The following CHODL variants were observed in gnomAD, a reference collection of about 807,000 sequenced individuals.
The protein encoded by CHODL is chondrolectin, also known as transmembrane protein MT75.
A neutral mutation model predicts 34.5 loss-of-function variants in CHODL; 29 were observed. The observed-to-expected ratio is 0.84, with a 90% CI of 0.63 to 1.15. The LOEUF is 1.15. Ranked by LOEUF, CHODL falls within the 50% of genes most tolerant of loss-of-function variation. The pLI is 0.00. For synonymous variants in CHODL, 125 were observed against 116.1 expected, an observed-to-expected ratio of 1.08 and a Z score of -0.49; for missense variants, 332 against 332.5, an observed-to-expected ratio of 1.00 and a Z score of 0.01.
chr21:17,951,696 A>C (rs2063459021), intron 1 of CHODL, among the ~76,000 whole-genome samples: 1 of 152,234 alleles, frequency 6.6e-6, no homozygotes, highest in Admixed American at 6.5e-5. Context: ...AATATACTTA[A>C]AATTAAAAAA....
chr21:18,001,102 T>C (rs1461157646), intron 1 of CHODL, among the ~76,000 whole-genome samples: 3 of 152,194 alleles, frequency 2.0e-5, no homozygotes, highest in African/African-American at 7.2e-5. Flanking sequence ...ACACTGGGCA[T>C]GGGCCATCCT....
At chr21:18,064,394 A>G (rs1023212591) in intron 2 of CHODL, among the ~76,000 whole-genome samples, 1 of 152,216 alleles carries the variant, frequency 6.6e-6, no homozygotes, top group African/African-American at 2.4e-5. Context: ...TTGCTAAATT[A>G]ATAAAAATGA....
At chr21:18,257,307 T>A (rs938424800) in intron 3 of CHODL, among the ~76,000 whole-genome samples, 180 bp downstream of exon 3, 1 of 152,094 alleles carries the variant, frequency 6.6e-6, no homozygotes, top group African/African-American at 2.4e-5. Flanking sequence ...GAGCAAACTG[T>A]CCAATGAGCT....
chr21:17,983,671 AT>A (rs1306827673), intron 1 of CHODL, among the ~76,000 whole-genome samples: 2 of 152,128 alleles, frequency 1.3e-5, no homozygotes, highest in African/African-American at 4.8e-5. Flanking sequence ...TTGTTTCATA[AT>A]TTATGAAATA....
intron 1 of CHODL, among the ~76,000 whole-genome samples, chr21:17,920,903 A>G (rs528474059): frequency 1.3e-5 from 2 of 152,308 alleles, no homozygotes; most frequent in South Asian, 4.1e-4. Flanking sequence ...GGGAAGTTAT[A>G]TGATCACTTG....
At chr21:17,922,763 G>A (rs1031853784) in intron 1 of CHODL, among the ~76,000 whole-genome samples, 9 of 152,084 alleles carry the variant, frequency 5.9e-5, no homozygotes, top group Non-Finnish European at 1.0e-4. Flanking sequence ...TAAAGGTTGC[G>A]AACTCTGAAT....
chr21:18,214,979 G>A (rs1025233780), intron 2 of CHODL, among the ~76,000 whole-genome samples: 7 of 151,926 alleles, frequency 4.6e-5, no homozygotes, highest in Non-Finnish European at 8.8e-5. Context: ...AAACCAAAAT[G>A]ATATTTAACA....
chr21:18,140,279 G>A (rs905689710), intron 2 of CHODL, among the ~76,000 whole-genome samples: 2 of 152,040 alleles, frequency 1.3e-5, no homozygotes, highest in Admixed American at 6.6e-5. Context: ...TTACAAAATG[G>A]GAGGCAAACT....
At chr21:18,112,620 A>G (rs1412248035) in intron 2 of CHODL, among the ~76,000 whole-genome samples, 2 of 152,240 alleles carry the variant, frequency 1.3e-5, no homozygotes, top group African/African-American at 2.4e-5. Context: ...TCACATCTAC[A>G]GTGAACTCAT....
chr21:18,203,291 A>G (rs947339038), intron 2 of CHODL, among the ~76,000 whole-genome samples: 1 of 152,186 alleles, frequency 6.6e-6, no homozygotes, highest in Non-Finnish European at 1.5e-5. Flanking sequence ...GGAAGATGTC[A>G]GCTTAGAGGG....
At chr21:17,944,307 A>C (rs1876036) in intron 1 of CHODL, among the ~76,000 whole-genome samples, 66,107 of 152,018 alleles carry the variant, frequency 0.43, 14,750 homozygotes, top group East Asian at 0.61. Flanking sequence ...ACACCAGCCT[A>C]ACCCAGAAAG....
chr21:17,944,147 C>T (rs116134895), intron 1 of CHODL, among the ~76,000 whole-genome samples: 2,093 of 152,262 alleles, frequency 0.014, 48 homozygotes, highest in South Asian at 0.051. Flanking sequence ...GAGACTCCCA[C>T]TTCCATGGAT....
In CHODL at chr21:17,942,446, C is replaced by T. The variant is rs182967288; in HGVS notation, c.-145+25046C>T. On this transcript the variant is annotated intron_variant, in intron 1 of 6. Transcript: ENST00000400127. Reference sequence around the variant, plus strand: ...TTGTTTGCTGCCATGTGAGATGTGCCTTTCACCTTCCACCAGGATTGTGAG... The same window carrying T: ...TTGTTTGCTGCCATGTGAGATGTGCTTTTCACCTTCCACCAGGATTGTGAG... Among the ~76,000 whole-genome samples, 24 of 152,264 alleles carry T rather than the reference C, an allele frequency of 1.6e-4. No homozygotes were observed. In the East Asian group the frequency reaches 3.1e-3, roughly 20 times the overall value.
chr21:18,246,618 G>A (rs80208643), intron 1 of CHODL, among the ~76,000 whole-genome samples: 2,178 of 152,222 alleles, frequency 0.014, 22 homozygotes, highest in South Asian at 0.024. Context: ...ATCTGATTTT[G>A]TGAATTACTT....
chr21:17,965,398 A>G lies in CHODL; in HGVS notation c.-145+47998A>G, dbSNP rs764378413. On this transcript the variant is annotated intron_variant, in intron 1 of 6. Transcript: ENST00000400127. ...ATATATAGTGCAGTCATATTTTTCT[A>G]TTTCACCATTAGTGCTTTTCCTTTG... Among the ~76,000 whole-genome samples the G allele has an allele frequency of 1.6e-3, 236 of 152,020 alleles. 2 individuals are homozygous for G. Among genetic ancestry groups the G allele is most frequent in the Non-Finnish European group, 1.9e-3 (130 of 67,946 alleles).
At chr21:18,088,603 T>A (rs2065036035) in intron 2 of CHODL, among the ~76,000 whole-genome samples, 1 of 152,228 alleles carries the variant, frequency 6.6e-6, no homozygotes, top group Non-Finnish European at 1.5e-5. Flanking sequence ...GAATCTCTCC[T>A]GGCTATCTGT....
At chr21:18,015,821 G>T (rs2146419015) in intron 1 of CHODL, among the ~76,000 whole-genome samples, 1 of 152,312 alleles carries the variant, frequency 6.6e-6, no homozygotes, top group South Asian at 2.1e-4. Context: ...CTAAGTATCT[G>T]TGGAGCTTTG....
At chr21:18,060,730 A>C (rs1157915354) in intron 2 of CHODL, among the ~76,000 whole-genome samples, 1 of 151,360 alleles carries the variant, frequency 6.6e-6, no homozygotes, top group Non-Finnish European at 1.5e-5. Flanking sequence ...AAAAGAAAGC[A>C]AGCAGAAAAG....
chr21:18,205,386 T>C (rs1438745591), intron 2 of CHODL, among the ~76,000 whole-genome samples: 1 of 152,236 alleles, frequency 6.6e-6, no homozygotes, highest in Non-Finnish European at 1.5e-5. Flanking sequence ...ATGTATGACA[T>C]TGACTGATTT....
Sources: gnomAD v4.1 joint callset for allele counts (sites outside exome capture counted in the v4.1 genomes callset) on GRCh38, gnomAD v4.1.1 for gene constraint, MANE v1.5 for transcripts, NCBI Gene and HGNC (gene_info 2026-07-23, HGNC 2026-07-21) for gene names.